IL12RB2: variants seen among roughly 807,000 people sequenced by gnomAD.
The protein encoded by IL12RB2 is interleukin-12 receptor subunit beta-2.
IL12RB2 carries 82 observed loss-of-function variants against 89.4 expected under a neutral mutation model. That is an observed-to-expected ratio of 0.92 (90% confidence interval 0.77 to 1.10). IL12RB2 has a LOEUF of 1.10. Ranked by LOEUF, IL12RB2 falls within the 50% of genes least tolerant of loss-of-function variation. The pLI, the probability that IL12RB2 is intolerant of heterozygous loss-of-function variation, is 0.00. For synonymous variants in IL12RB2, 368 were observed against 370.1 expected (o/e 0.99, Z 0.07); for missense variants, 963 against 1,031.9 (o/e 0.93, Z 0.92).
chr1:67,333,916 CTGTT>C (rs1381856549), intron 8 of IL12RB2, among the ~76,000 whole-genome samples: 1 of 152,208 alleles, frequency 6.6e-6, no homozygotes, highest in Non-Finnish European at 1.5e-5. Context: ...ATGTCTCTGT[CTGTT>C]AATCCGCCAT....
intron 2 of IL12RB2, among the ~76,000 whole-genome samples, chr1:67,314,827 C>T (rs568871373): frequency 2.2e-5 from 3 of 139,138 alleles, no homozygotes; most frequent in South Asian, 2.7e-4. Context: ...GGCTTGTTCC[C>T]GCCCACCCCA....
At chr1:67,358,781 A>G (rs1197106516) in intron 10 of IL12RB2, among the ~76,000 whole-genome samples, 3 of 152,184 alleles carry the variant, frequency 2.0e-5, no homozygotes, top group Non-Finnish European at 2.9e-5. Context: ...ACTTATGGTT[A>G]AATACTGTAA....
chr1:67,345,038 G>T (rs1181211297), intron 9 of IL12RB2, among the ~76,000 whole-genome samples: 1 of 152,130 alleles, frequency 6.6e-6, no homozygotes. Context: ...AGGCATGGTG[G>T]CATACGGCTG....
chr1:67,372,608 T>C lies in IL12RB2; in HGVS notation c.1559-17T>C. The C allele has an allele frequency of 6.2e-7, 1 of 1,612,882 alleles. No individual in the cohort carries two copies. The highest frequency in any genetic ancestry group is 8.5e-7 in the Non-Finnish European group (1 of 1,178,814). On this transcript the variant is annotated splice_polypyrimidine_tract_variant and intron_variant, in intron 12 of 16. Transcript: ENST00000674203. Reference sequence around the variant, plus strand: ...GATTTGGAGGGTGACAGAAGCCTCCTGTGCCCTACTTTACAGCACCACTGA... The same window carrying C: ...GATTTGGAGGGTGACAGAAGCCTCCCGTGCCCTACTTTACAGCACCACTGA...
chr1:67,351,150 C>T, intron 10 of IL12RB2, 61 bp downstream of exon 10: 1 of 1,587,416 alleles, frequency 6.3e-7, no homozygotes, highest in South Asian at 1.1e-5. Context: ...CATCTCTTAT[C>T]TCCTGCAGGC....
chr1:67,307,565 AACTG>A (rs1477717748), upstream of IL12RB2: 1 of 152,250 alleles, frequency 6.6e-6, no homozygotes, highest in African/African-American at 2.4e-5. Flanking sequence ...TATGAGGGGA[AACTG>A]ACGGTGGAGA....
At position 67,338,336 on chromosome 1, in the gene IL12RB2, C is replaced by CAAAAAAAAAAA; in HGVS notation, c.959-261_959-251dup. 1.5e-3 allele frequency among the ~76,000 whole-genome samples: 62 copies of CAAAAAAAAAAA among 40,106 alleles called. 2 individuals are homozygous for CAAAAAAAAAAA. Among genetic ancestry groups the CAAAAAAAAAAA allele is most frequent in the South Asian group, 3.5e-3 (3 of 864 alleles). 26.3% of individuals were successfully genotyped at this position (40,106 alleles called of 152,430 possible). ...GAGGCAACAGAGCAAGATCCTGTCT[C>CAAAAAAAAAAA]AAAAAAAAAAAAAAAAAAAAAAAAA... is the stretch of plus-strand genomic sequence containing the variant. On this transcript the variant is annotated intron_variant, in intron 8 of 16. Transcript: ENST00000674203.
rs1428834758 is a variant in IL12RB2, at chr1:67,396,397, T to C, written c.*308T>C. On this transcript the variant is annotated 3_prime_UTR_variant, in exon 17 of 17. Coordinates refer to ENST00000674203, the MANE Select transcript of IL12RB2 (RefSeq NM_001374259.2). ...CCAGAAAGGGAAATGAGGAGGAGAG[T>C]AGAAACCACAGCTCTTAGTAGTAAT... The C allele has an allele frequency of 5.0e-5, 24 of 482,448 alleles. No individual in the cohort carries two copies. Among genetic ancestry groups the C allele is most frequent in the Non-Finnish European group, 8.4e-5 (22 of 261,892 alleles). The allele number at this position is 482,448 out of a possible 1,614,324, so 29.9% of individuals were successfully genotyped here.
At chr1:67,370,051 A>G (rs1663132200) in intron 11 of IL12RB2, among the ~76,000 whole-genome samples, 1 of 152,084 alleles carries the variant, frequency 6.6e-6, no homozygotes. Context: ...ATACTAATGA[A>G]TAAAATAACT....
chr1:67,322,183 T>C (rs758604512), intron 4 of IL12RB2, among the ~76,000 whole-genome samples: 1 of 152,116 alleles, frequency 6.6e-6, no homozygotes, highest in African/African-American at 2.4e-5. Context: ...TATGCTTTTT[T>C]GACTTAGGAG....
intron 6 of IL12RB2, among the ~76,000 whole-genome samples, chr1:67,329,106 C>T (rs1452512241): frequency 6.6e-6 from 1 of 152,218 alleles, no homozygotes; most frequent in African/African-American, 2.4e-5. Context: ...TATTTCTTCT[C>T]AGGCTTCCTC....
intron 8 of IL12RB2, among the ~76,000 whole-genome samples, chr1:67,336,355 C>T (rs963393739): frequency 5.3e-5 from 8 of 152,256 alleles, no homozygotes; most frequent in Admixed American, 4.6e-4. Flanking sequence ...TATATAGTGT[C>T]CGGACACCAC....
chr1:67,386,869 A>AT (rs1232980676), intron 15 of IL12RB2, among the ~76,000 whole-genome samples, 200 bp downstream of exon 15: 7 of 41,318 alleles, frequency 1.7e-4, no homozygotes, highest in South Asian at 2.1e-3. Context: ...CTAGAAATGT[A>AT]TTTTATATAT....
At chr1:67,377,953 C>T (rs940678819) in intron 13 of IL12RB2, among the ~76,000 whole-genome samples, 7 of 151,774 alleles carry the variant, frequency 4.6e-5, no homozygotes, top group Non-Finnish European at 7.4e-5. Flanking sequence ...TGGTGAAACT[C>T]CCATCTCTAC....
chr1:67,362,329 G>A (rs1202792145), intron 10 of IL12RB2, among the ~76,000 whole-genome samples: 2 of 151,350 alleles, frequency 1.3e-5, no homozygotes, highest in African/African-American at 2.4e-5. Context: ...CACTTTGGGA[G>A]GCCGAGGCGG....
chr1:67,348,347 C>T (rs1660460427), intron 9 of IL12RB2, among the ~76,000 whole-genome samples: 1 of 152,146 alleles, frequency 6.6e-6, no homozygotes, highest in African/African-American at 2.4e-5. Flanking sequence ...GCTGCCCACA[C>T]CTACCAGTTC....
intron 5 of IL12RB2, 38 bp downstream of exon 5, chr1:67,326,887 ATCT>A: frequency 7.3e-7 from 1 of 1,369,096 alleles, no homozygotes; most frequent in Non-Finnish European, 9.5e-7. Context: ...TGTTTTGTAG[ATCT>A]TCTCTTAAAT....
intron 8 of IL12RB2, among the ~76,000 whole-genome samples, chr1:67,332,831 T>C (rs763771250): frequency 2.3e-4 from 35 of 152,252 alleles, no homozygotes; most frequent in Non-Finnish European, 4.1e-4. Flanking sequence ...ACTCTGGGCT[T>C]GTGAATTCTT....
intron 16 of IL12RB2, among the ~76,000 whole-genome samples, chr1:67,394,643 T>G (rs1666176063): frequency 1.3e-5 from 2 of 152,332 alleles, no homozygotes; most frequent in Non-Finnish European, 2.9e-5. Flanking sequence ...AACCTTTCGG[T>G]AGTTCTCTCA....
Sources: gnomAD v4.1 joint callset for allele counts (sites outside exome capture counted in the v4.1 genomes callset) on GRCh38, gnomAD v4.1.1 for gene constraint, MANE v1.5 for transcripts, NCBI Gene and HGNC (gene_info 2026-07-23, HGNC 2026-07-21) for gene names.